KPNA1: variants seen among roughly 807,000 people sequenced by gnomAD.
The protein encoded by KPNA1 is importin subunit alpha-5.
Under a neutral mutation model 70.5 loss-of-function variants are expected in KPNA1, and 10 were observed. The observed-to-expected ratio is 0.14, with a 90% CI of 0.09 to 0.24. KPNA1 has a LOEUF of 0.24. Among genes scored for constraint, KPNA1 ranks in the 10% least tolerant of loss-of-function variants. The pLI is 1.00. For synonymous variants in KPNA1, 192 were observed against 221.9 expected (o/e 0.87, Z 1.20); for missense variants, 397 against 637.9 (o/e 0.62, Z 4.07).
chr3:122,468,822 T>C (rs2076409951), intron 2 of KPNA1, among the ~76,000 whole-genome samples: 1 of 152,202 alleles, frequency 6.6e-6, no homozygotes, highest in Admixed American at 6.5e-5. Flanking sequence ...ATGCCTTTGA[T>C]CGACTTTTTA....
chr3:122,441,877 A>T (rs1438947621), intron 10 of KPNA1, among the ~76,000 whole-genome samples, 161 bp downstream of exon 10: 1 of 152,252 alleles, frequency 6.6e-6, no homozygotes, highest in Non-Finnish European at 1.5e-5. Flanking sequence ...CTGGGATTAC[A>T]GGCGTGAGTG....
Position 122,502,624 on chromosome 3 carries a change from G to A in KPNA1, c.-5-6054C>T, listed in dbSNP as rs950362133. 2.6e-5 allele frequency among the ~76,000 whole-genome samples: 4 copies of A among 152,168 alleles called. No homozygotes were observed. The East Asian group carries it at 7.7e-4, about 29-fold the overall frequency. On this transcript the variant is annotated intron_variant, in intron 1 of 13. Coordinates refer to ENST00000344337, the MANE Select transcript of KPNA1 (RefSeq NM_002264.4). ...GAGCAGATTAATATGTCTACTCAGT[G>A]GAAATCTGGCAGAAACTTTATCAGA...
rs562547731 is a variant in KPNA1, at chr3:122,466,998, CTCTAAA to C, written c.237+318_237+323del. 3.0e-3 allele frequency among the ~76,000 whole-genome samples: 427 copies of C among 140,626 alleles called. 2 individuals are homozygous for C. Among genetic ancestry groups the C allele is most frequent in the Non-Finnish European group, 4.0e-3 (260 of 65,402 alleles). The allele number at this position is 140,626 out of a possible 152,430, so 92.3% of individuals were successfully genotyped here. A position where few individuals can be genotyped will look rare whatever the true frequency, so the allele number is the denominator to read the frequency against. ...CCTGGGCAACACAGCAAGACCCTGT[CTCTAAA>C]ACATAAATAAATAAATAAATAAATA... is the stretch of plus-strand genomic sequence containing the variant. On this transcript the variant is annotated intron_variant, in intron 3 of 13. Coordinates refer to ENST00000344337, the MANE Select transcript of KPNA1 (RefSeq NM_002264.4).
chr3:122,422,959 T>C lies in KPNA1; in HGVS notation c.*4026A>G, dbSNP rs966892354. ...GATGTATTTTATGTCCAGTAGCAAT[T>C]TGATATTTTAAATTAGCATATAAAT... On this transcript the variant is annotated 3_prime_UTR_variant, in exon 14 of 14. Transcript: ENST00000344337. 4.6e-5 allele frequency: 7 copies of C among 152,218 alleles called. No individual in the cohort carries two copies. The highest frequency in any genetic ancestry group is 2.0e-4 in the Admixed American group (3 of 15,286). The allele number at this position is 152,218 out of a possible 1,614,324, so 9.4% of individuals were successfully genotyped here.
At chr3:122,427,813 TAAAAA>T (rs57966074) in intron 12 of KPNA1, 97 bp from the exon 13 acceptor site, 4 of 579,684 alleles carry the variant, frequency 6.9e-6, no homozygotes, top group Non-Finnish European at 1.0e-5. Flanking sequence ...TGCAGAGACT[TAAAAA>T]AAAAAACAAA....
chr3:122,512,023 G>C (rs1239915889), intron 1 of KPNA1, among the ~76,000 whole-genome samples: 1 of 152,070 alleles, frequency 6.6e-6, no homozygotes, highest in Non-Finnish European at 1.5e-5. Context: ...GAGAGCAACA[G>C]AGAATAAAGA....
At chr3:122,434,694 T>C (rs551063826) in intron 11 of KPNA1, among the ~76,000 whole-genome samples, 1 of 152,344 alleles carries the variant, frequency 6.6e-6, no homozygotes, top group South Asian at 2.1e-4. Flanking sequence ...AGACTTATAG[T>C]TGGATGGAGT....
intron 1 of KPNA1, among the ~76,000 whole-genome samples, chr3:122,509,315 A>T (rs544280672): frequency 7.5e-4 from 114 of 152,186 alleles, no homozygotes; most frequent in African/African-American, 2.6e-3. Context: ...ACTCTCAAGC[A>T]CTCAAGTAGG....
At chr3:122,432,867 G>A (rs2075930257) in intron 12 of KPNA1, 1 of 152,244 alleles carries the variant, frequency 6.6e-6, no homozygotes, top group Non-Finnish European at 1.5e-5. Flanking sequence ...GATCGCCGGA[G>A]CTCCGGAATT....
chr3:122,433,539 C>T lies in KPNA1; in HGVS notation c.1250+122G>A, dbSNP rs1367909200. 3.1e-5 allele frequency: 23 copies of T among 737,784 alleles called. No homozygotes were observed. In the East Asian group the frequency reaches 6.6e-4, roughly 21 times the overall value. The allele number at this position is 737,784 out of a possible 1,614,324, so 45.7% of individuals were successfully genotyped here. Reference sequence around the variant, plus strand: ...TCTTATTTGGTAAGATCGTCTCTCACTTACTTTTCCCCTCAAAGGCAGCTA... The same window carrying T: ...TCTTATTTGGTAAGATCGTCTCTCATTTACTTTTCCCCTCAAAGGCAGCTA... On this transcript the variant is annotated intron_variant, in intron 12 of 13. Coordinates refer to ENST00000344337, the MANE Select transcript of KPNA1 (RefSeq NM_002264.4).
chr3:122,483,482 T>C (rs2076594669), intron 2 of KPNA1, among the ~76,000 whole-genome samples: 1 of 152,136 alleles, frequency 6.6e-6, no homozygotes, highest in Non-Finnish European at 1.5e-5. Context: ...GTAGCTGGGA[T>C]TACAGGCGCC....
At chr3:122,513,791 G>C (rs543313870) in intron 1 of KPNA1, among the ~76,000 whole-genome samples, 1 of 152,158 alleles carries the variant, frequency 6.6e-6, no homozygotes, top group African/African-American at 2.4e-5. Flanking sequence ...GCAGAGCTGG[G>C]TGTGGTTGCC....
rs4678193 is a variant in KPNA1, at chr3:122,467,341, C to T, written c.218G>A (p.Ser73Asn). The stretch of plus-strand genomic sequence containing the variant: ...TCTTACTGGTGCCATCTCCATGTTA[C>T]TAATCTGAGCCTCATGAAAGCCTCC... ...SDGGFHEAQI[S>N]NMEMAPGGVI... is the part of the protein sequence containing the mutation. The change falls in exon 3 of 14, where the codon AGT becomes AAT. Residue 73 changes from serine to asparagine, a missense_variant. Physicochemically the swap from Ser to Asn is conservative, Grantham distance 46 (BLOSUM62 1). Transcript: ENST00000344337. 1 allele frequency: 1,586,327 copies of T among 1,588,366 alleles called. 792,166 individuals are homozygous for T. The highest frequency in any genetic ancestry group is 1 in the East Asian group (44,530 of 44,530).
At chr3:122,454,156 T>C (rs1240005216) in intron 5 of KPNA1, among the ~76,000 whole-genome samples, 155 bp from the exon 6 acceptor site, 1 of 152,184 alleles carries the variant, frequency 6.6e-6, no homozygotes, top group African/African-American at 2.4e-5. Context: ...AAAAGAAGAA[T>C]ATCCAGAAGA....
intron 2 of KPNA1, among the ~76,000 whole-genome samples, chr3:122,473,769 AG>A (rs1253138148): frequency 1.3e-5 from 2 of 152,202 alleles, no homozygotes; most frequent in Admixed American, 1.3e-4. Context: ...GTATGAAACT[AG>A]AAGCTTCTCT....
intron 2 of KPNA1, among the ~76,000 whole-genome samples, chr3:122,486,855 G>C (rs898253066): frequency 6.6e-6 from 1 of 152,132 alleles, no homozygotes; most frequent in Non-Finnish European, 1.5e-5. Flanking sequence ...CCAAAGTGCT[G>C]GGATTACAAT....
intron 2 of KPNA1, among the ~76,000 whole-genome samples, chr3:122,488,780 T>C (rs2076659880): frequency 6.6e-6 from 1 of 152,206 alleles, no homozygotes. Context: ...AACATGTCTT[T>C]ACTCTGGGCG....
At chr3:122,463,652 T>C (rs557332344) in intron 4 of KPNA1, among the ~76,000 whole-genome samples, 1 of 152,142 alleles carries the variant, frequency 6.6e-6, no homozygotes, top group South Asian at 2.1e-4. Flanking sequence ...TAAAAAAAAG[T>C]CAGTCTCTCA....
chr3:122,446,808 A>G (rs2076145207), intron 9 of KPNA1, among the ~76,000 whole-genome samples: 1 of 152,218 alleles, frequency 6.6e-6, no homozygotes, highest in Non-Finnish European at 1.5e-5. Flanking sequence ...AAAGAATCAA[A>G]TAGATGCAAT....
Sources: allele counts gnomAD v4.1 joint callset (sites outside exome capture counted in the v4.1 genomes callset), GRCh38; gene constraint gnomAD v4.1.1; transcripts MANE v1.5; gene names NCBI Gene and HGNC (gene_info 2026-07-23, HGNC 2026-07-21).